Variants in PHF14 observed in about 807,000 individuals in gnomAD.
The protein encoded by PHF14 is PHD finger protein 14.
A neutral mutation model predicts 117.9 loss-of-function variants in PHF14; 55 were observed. The observed-to-expected ratio is 0.47, with a 90% CI of 0.38 to 0.58. The LOEUF is 0.58. Among genes scored for constraint, PHF14 ranks in the 20% least tolerant of loss-of-function variants. The pLI is 0.00. For missense variants in PHF14, 978 were observed against 1,122.2 expected, an observed-to-expected ratio of 0.87 and a Z score of 1.84; for synonymous variants, 409 against 368.6, an observed-to-expected ratio of 1.11 and a Z score of -1.26.
intron 10 of PHF14, 22 bp downstream of exon 10, chr7:11,037,113 C>A (rs748512801): frequency 3.5e-5 from 51 of 1,462,310 alleles, no homozygotes; most frequent in Non-Finnish European, 4.5e-5. Flanking sequence ...ACAAAATATG[C>A]AACATAATGT....
At chr7:11,156,759 A>G (rs917875296) in intron 17 of PHF14, among the ~76,000 whole-genome samples, 14 of 152,192 alleles carry the variant, frequency 9.2e-5, no homozygotes, top group Admixed American at 1.3e-4. Flanking sequence ...GTGCCATTGC[A>G]TTCCAGCCTG....
At chr7:11,011,064 C>T (rs938434932) in intron 4 of PHF14, among the ~76,000 whole-genome samples, 1 of 152,116 alleles carries the variant, frequency 6.6e-6, no homozygotes, top group African/African-American at 2.4e-5. Flanking sequence ...TGCAAACCAA[C>T]TTTTTAGTTT....
chr7:11,092,007 A>G (rs962903486), intron 16 of PHF14, among the ~76,000 whole-genome samples: 38 of 152,166 alleles, frequency 2.5e-4, no homozygotes, highest in African/African-American at 9.2e-4. Context: ...CTCCAGAGAA[A>G]TTTAATTACC....
At chr7:10,981,240 A>G (rs911758188) in intron 2 of PHF14, among the ~76,000 whole-genome samples, 1 of 152,122 alleles carries the variant, frequency 6.6e-6, no homozygotes, top group African/African-American at 2.4e-5. Flanking sequence ...TACTTTTTCC[A>G]CCATTTTATC....
chr7:11,042,274 T>C (rs945032222), intron 12 of PHF14, among the ~76,000 whole-genome samples: 1 of 151,988 alleles, frequency 6.6e-6, no homozygotes, highest in African/African-American at 2.4e-5. Context: ...GTTTGTGAAG[T>C]AATTTTTTTA....
chr7:11,073,457 T>A (rs1785701767), intron 16 of PHF14, among the ~76,000 whole-genome samples: 1 of 152,222 alleles, frequency 6.6e-6, no homozygotes, highest in African/African-American at 2.4e-5. Context: ...GGCACACTAG[T>A]ACAATGGGTG....
Position 10,982,530 on chromosome 7 carries a change from T to C in PHF14, c.271T>C (p.Ser91Pro). 3 of 1,526,940 alleles carry C rather than the reference T, an allele frequency of 2.0e-6. No homozygotes were observed. Among genetic ancestry groups the C allele is most frequent in the Non-Finnish European group, 2.7e-6 (3 of 1,123,246 alleles). The allele number at this position is 1,526,940 out of a possible 1,614,324, so 94.6% of individuals were successfully genotyped here. Residue 91 changes from serine to proline, a missense_variant, in exon 3 of 18, where the codon TCA becomes CCA. By Grantham distance (74) the Ser-to-Pro change is moderately conservative. Transcript: ENST00000634607. ...LKNSAEEEVLSSEKQLIKMEK... is the reference protein window; with the variant it reads ...LKNSAEEEVLPSEKQLIKMEK... ...AAATTCTGCAGAGGAAGAAGTACTA[T>C]CATCAGAAAAACAATTAATTAAAAT... is the stretch of plus-strand genomic sequence containing the variant.
intron 16 of PHF14, among the ~76,000 whole-genome samples, chr7:11,090,464 T>C (rs1016474250): frequency 6.6e-6 from 1 of 152,220 alleles, no homozygotes; most frequent in African/African-American, 2.4e-5. Context: ...GGTTACTCAT[T>C]TATGTCAATT....
At chr7:11,076,567 C>CTTTTTTTTT (rs71023886) in intron 16 of PHF14, among the ~76,000 whole-genome samples, 2 of 124,752 alleles carry the variant, frequency 1.6e-5, no homozygotes, top group Admixed American at 8.8e-5. Context: ...TTTTCTTTTT[C>CTTTTTTTTT]TTTTTTTTTT....
At chr7:11,007,167 C>T (rs556721059) in intron 4 of PHF14, among the ~76,000 whole-genome samples, 4 of 151,192 alleles carry the variant, frequency 2.6e-5, no homozygotes, top group East Asian at 1.9e-4. Context: ...CACTCCAGCC[C>T]GGGTAACAAG....
rs183435387 is a variant in PHF14, at chr7:11,041,291, A to C, written c.2180+516A>C. 3.9e-5 allele frequency among the ~76,000 whole-genome samples: 6 copies of C among 151,958 alleles called. No individual in the cohort carries two copies. In the East Asian group the frequency reaches 1.2e-3, roughly 29 times the overall value. On this transcript the variant is annotated intron_variant, in intron 12 of 17. Transcript: ENST00000634607. Reference sequence around the variant, plus strand: ...TTTTTGTTTTTTACTTTCTTTGCTCAATATTTTCGGTGTTCACCATTATAG... The same window carrying C: ...TTTTTGTTTTTTACTTTCTTTGCTCCATATTTTCGGTGTTCACCATTATAG...
At chr7:11,045,369 G>C (rs17163917) in intron 13 of PHF14, among the ~76,000 whole-genome samples, 16,938 of 152,098 alleles carry the variant, frequency 0.11, 1,153 homozygotes, top group African/African-American at 0.2. Context: ...TCTGCAGCTT[G>C]AACTTCCACA....
intron 16 of PHF14, among the ~76,000 whole-genome samples, chr7:11,086,126 C>T (rs1003997206): frequency 6.6e-6 from 1 of 152,152 alleles, no homozygotes; most frequent in Non-Finnish European, 1.5e-5. Context: ...TGGACCGTTG[C>T]AATAACCATC....
rs1784538157 is a variant in PHF14, at chr7:11,042,717, C to A, written c.2215C>A (p.Leu739Ile). ...GICKKNHDQH[L>I]LLLCDTCKLH... ...TTGTAAGAAGAACCATGATCAGCAT[C>A]TTCTTTTATTGTGTGATACCTGTAA... is the stretch of plus-strand genomic sequence containing the variant. The change falls in exon 13 of 18, where the codon CTT (leucine) becomes ATT (isoleucine). Residue 739 changes from leucine to isoleucine, a missense_variant. Transcript: ENST00000634607. The A allele has an allele frequency of 6.3e-7, 1 of 1,591,504 alleles. No individual in the cohort carries two copies. The highest frequency in any genetic ancestry group is 1.7e-5 in the Admixed American group (1 of 57,214).
intron 7 of PHF14, among the ~76,000 whole-genome samples, chr7:11,034,539 ATTTTTTTTTTT>A (rs56043099): frequency 1.1e-4 from 7 of 63,096 alleles, no homozygotes; most frequent in East Asian, 1.1e-3. Context: ...TCTTAATTCT[ATTTTTTTTTTT>A]TTTTTTTTTT....
At chr7:11,122,478 G>A (rs1368988197) in intron 17 of PHF14, among the ~76,000 whole-genome samples, 1 of 143,382 alleles carries the variant, frequency 7.0e-6, no homozygotes, top group Non-Finnish European at 1.5e-5. Context: ...GTGTGTCAAA[G>A]GGTAGTGATT....
chr7:10,986,403 A>G (rs1011592069), intron 3 of PHF14, among the ~76,000 whole-genome samples: 2 of 152,228 alleles, frequency 1.3e-5, no homozygotes, highest in African/African-American at 4.8e-5. Flanking sequence ...ATCCCATTTC[A>G]TGTAGTGTCT....
intron 5 of PHF14, among the ~76,000 whole-genome samples, chr7:11,022,020 A>G (rs182204156): frequency 8.5e-5 from 13 of 152,236 alleles, no homozygotes; most frequent in Admixed American, 5.9e-4. Flanking sequence ...GCTAAGATCT[A>G]CTGTTTAAAT....
chr7:10,979,335 C>G (rs1397724896), intron 2 of PHF14, among the ~76,000 whole-genome samples: 1 of 151,920 alleles, frequency 6.6e-6, no homozygotes, highest in African/African-American at 2.4e-5. Context: ...AATTTCTTAA[C>G]TGTCTGTTAG....
Sources: gnomAD v4.1 joint callset for allele counts (sites outside exome capture counted in the v4.1 genomes callset) on GRCh38, gnomAD v4.1.1 for gene constraint, MANE v1.5 for transcripts, NCBI Gene and HGNC (gene_info 2026-07-23, HGNC 2026-07-21) for gene names.